Variants in TMEM132D observed in about 807,000 individuals in gnomAD.
TMEM132D encodes mature OL transmembrane protein.
TMEM132D carries 21 observed loss-of-function variants against 62.3 expected under a neutral mutation model. The observed-to-expected ratio is 0.34, with a 90% confidence interval of 0.24 to 0.49. The LOEUF (loss-of-function observed/expected upper bound fraction) is 0.49. Ranked by LOEUF, TMEM132D falls within the 20% of genes least tolerant of loss-of-function variation. TMEM132D has a pLI of 0.99. For missense variants in TMEM132D, 1,346 were observed against 1,402.8 expected, an observed-to-expected ratio of 0.96 and a Z score of 0.65; for synonymous variants, 621 against 575.6, an observed-to-expected ratio of 1.08 and a Z score of -1.13.
At chr12:129,368,598 A>G (rs1354633694) in intron 3 of TMEM132D, among the ~76,000 whole-genome samples, 1 of 151,076 alleles carries the variant, frequency 6.6e-6, no homozygotes, top group African/African-American at 2.4e-5. Context: ...TATTTTTTTT[A>G]CACTCCACCA....
chr12:129,236,514 C>CAAAAAAAAAAAAAAAA (rs60745384), intron 4 of TMEM132D, among the ~76,000 whole-genome samples: 13 of 67,008 alleles, frequency 1.9e-4, no homozygotes, highest in African/African-American at 3.9e-4. Flanking sequence ...GACTCCATCT[C>CAAAAAAAAAAAAAAAA]AAAAAAAAAA....
chr12:129,820,307 C>T lies in TMEM132D; in HGVS notation c.79+82954G>A, dbSNP rs188352645. Among the ~76,000 whole-genome samples, 11 of 152,312 alleles carry T rather than the reference C, an allele frequency of 7.2e-5. No homozygotes were observed. In the East Asian group the frequency reaches 7.7e-4, roughly 11 times the overall value. On this transcript the variant is annotated intron_variant, in intron 1 of 8. Coordinates refer to ENST00000422113, the MANE Select transcript of TMEM132D (RefSeq NM_133448.3). ...CTCTCCACCCATTATTCCATTTGCA[C>T]GTCCCAACAACCCTGTGTGACAATG...
intron 1 of TMEM132D, among the ~76,000 whole-genome samples, chr12:129,830,223 A>G (rs1160593385): frequency 6.6e-6 from 1 of 152,210 alleles, no homozygotes; most frequent in Non-Finnish European, 1.5e-5. Context: ...ACACACACAT[A>G]TCCATCAATA....
At chr12:129,494,809 C>T (rs563610791) in intron 3 of TMEM132D, among the ~76,000 whole-genome samples, 1 of 152,278 alleles carries the variant, frequency 6.6e-6, no homozygotes, top group South Asian at 2.1e-4. Context: ...TACCTCTCTG[C>T]CCTCTTTTCC....
rs572940004 is a variant in TMEM132D at position 129,436,751 on chromosome 12, G to C, written c.1115+94308C>G. ...GTCACTTATAGAAAACCAAGTGTGT[G>C]CGTTTGTGATTTTTCTATAATGGTA... On this transcript the variant is annotated intron_variant, in intron 3 of 8. Coordinates refer to ENST00000422113, the MANE Select transcript of TMEM132D (RefSeq NM_133448.3). 3.0e-4 allele frequency among the ~76,000 whole-genome samples: 45 copies of C among 152,196 alleles called. No homozygotes were observed. In the South Asian group the frequency reaches 8.5e-3, roughly 29 times the overall value.
intron 3 of TMEM132D, among the ~76,000 whole-genome samples, chr12:129,348,548 C>T (rs1869762857): frequency 6.6e-6 from 1 of 151,902 alleles, no homozygotes; most frequent in Admixed American, 6.5e-5. Flanking sequence ...CCCACCAGGG[C>T]CTGTCGGGGG....
At chr12:129,296,444 G>A (rs1261819631) in intron 4 of TMEM132D, among the ~76,000 whole-genome samples, 1 of 152,218 alleles carries the variant, frequency 6.6e-6, no homozygotes, top group South Asian at 2.1e-4. Flanking sequence ...GCAACAAGAT[G>A]TTCTTCGTGC....
chr12:129,174,103 T>C lies in TMEM132D; in HGVS notation c.1443+35417A>G, dbSNP rs371657528. On this transcript the variant is annotated intron_variant, in intron 5 of 8. Transcript: ENST00000422113. ...ATCTGAAATAACGATGCCCCGCTTT[T>C]CTTTATTTTATTTTACCTTAAGTTG... Among the ~76,000 whole-genome samples the C allele has an allele frequency of 4.6e-5, 7 of 152,272 alleles. No individual in the cohort carries two copies. The South Asian group carries it at 1.5e-3, about 32-fold the overall frequency.
intron 3 of TMEM132D, among the ~76,000 whole-genome samples, chr12:129,480,552 T>C (rs1333324248): frequency 2.6e-5 from 4 of 152,172 alleles, no homozygotes; most frequent in Non-Finnish European, 5.9e-5. Context: ...AGCAATGCTG[T>C]CCCACAGACC....
rs79348661 is a variant in TMEM132D at position 129,759,736 on chromosome 12, G to T, written c.80-59038C>A. ...AGATAGACAAATGTTGATGTATACA[G>T]CTGTGTTACCAACATATTATTAACA... On this transcript the variant is annotated intron_variant, in intron 1 of 8. Coordinates refer to ENST00000422113, the MANE Select transcript of TMEM132D (RefSeq NM_133448.3). Among the ~76,000 whole-genome samples, 1,414 of 152,280 alleles carry T rather than the reference G, an allele frequency of 9.3e-3. 21 individuals are homozygous for T. The highest frequency in any genetic ancestry group is 0.05 in the East Asian group (260 of 5,190).
chr12:129,582,933 T>TTG (rs1555220039), intron 2 of TMEM132D, among the ~76,000 whole-genome samples: 1 of 150,808 alleles, frequency 6.6e-6, no homozygotes, highest in African/African-American at 2.4e-5. Flanking sequence ...CCGAGTTTGT[T>TTG]TTTTGTTTTG....
chr12:129,436,693 G>C (rs140162839), intron 3 of TMEM132D, among the ~76,000 whole-genome samples: 34 of 152,256 alleles, frequency 2.2e-4, no homozygotes, highest in African/African-American at 7.7e-4. Context: ...CATATTAGGA[G>C]GGATGAAAGC....
intron 2 of TMEM132D, among the ~76,000 whole-genome samples, chr12:129,570,504 C>T (rs1877483181): frequency 6.6e-6 from 1 of 151,796 alleles, no homozygotes; most frequent in South Asian, 2.1e-4. Context: ...AAAATTGCCT[C>T]AATGGGTCAC....
chr12:129,294,298 A>G (rs1881518050), intron 4 of TMEM132D, among the ~76,000 whole-genome samples: 1 of 152,220 alleles, frequency 6.6e-6, no homozygotes. Flanking sequence ...CAAGGTCATT[A>G]GATGAAATAT....
At chr12:129,155,701 G>A (rs773393359) in intron 5 of TMEM132D, among the ~76,000 whole-genome samples, 10 of 152,300 alleles carry the variant, frequency 6.6e-5, no homozygotes, top group Non-Finnish European at 1.3e-4. Context: ...TAAGAGACAG[G>A]AAGGGCTGGA....
chr12:129,337,899 C>A, intron 3 of TMEM132D, 82 bp from the exon 4 acceptor site: 2 of 1,434,836 alleles, frequency 1.4e-6, no homozygotes, highest in South Asian at 1.4e-5. Context: ...CGGCCCTTGG[C>A]CATTTCTCTA....
intron 3 of TMEM132D, among the ~76,000 whole-genome samples, chr12:129,382,807 C>T (rs913238418): frequency 6.6e-6 from 1 of 152,082 alleles, no homozygotes; most frequent in East Asian, 1.9e-4. Context: ...GAGCCATATA[C>T]CCAAAGACAG....
At chr12:129,212,966 A>C (rs1173342037) in intron 4 of TMEM132D, among the ~76,000 whole-genome samples, 1 of 152,214 alleles carries the variant, frequency 6.6e-6, no homozygotes, top group Non-Finnish European at 1.5e-5. Flanking sequence ...AGTTTGAGCC[A>C]GCCTGGAAGT....
chr12:129,628,233 T>C (rs963253300), intron 2 of TMEM132D, among the ~76,000 whole-genome samples: 3 of 152,198 alleles, frequency 2.0e-5, no homozygotes, highest in Admixed American at 2.0e-4. Context: ...CTTTAGAATG[T>C]GTACTTCCAG....
Sources: gnomAD v4.1 joint callset for allele counts (sites outside exome capture counted in the v4.1 genomes callset) on GRCh38, gnomAD v4.1.1 for gene constraint, MANE v1.5 for transcripts, NCBI Gene and HGNC (gene_info 2026-07-23, HGNC 2026-07-21) for gene names.